The following PPP2R2B variants were observed in gnomAD, a reference collection of about 807,000 sequenced individuals.
PPP2R2B encodes the protein protein phosphatase 2 regulatory subunit Bbeta, also known as serine/threonine-protein phosphatase 2A 55 kDa regulatory subunit B beta isoform.
Under a neutral mutation model 46.0 loss-of-function variants are expected in PPP2R2B, and 5 were observed. The ratio of observed to expected loss-of-function variants is 0.11; its 90% CI spans 0.06 to 0.23. The LOEUF (loss-of-function observed/expected upper bound fraction) is 0.23, where lower values mean the gene tolerates loss of function less well. Among genes scored for constraint, PPP2R2B ranks in the 10% least tolerant of loss-of-function variants. The pLI, the probability that PPP2R2B is intolerant of heterozygous loss-of-function variation, is 1.00. For missense variants in PPP2R2B, 367 were observed against 575.0 expected (o/e 0.64, Z 3.70); for synonymous variants, 215 against 206.7 (o/e 1.04, Z -0.34).
Position 146,719,628 on chromosome 5 carries a change from C to T in PPP2R2B, c.71-18486G>A, listed in dbSNP as rs187330595. On this transcript the variant is annotated intron_variant, in intron 2 of 9. Coordinates refer to ENST00000394411, the MANE Select transcript of PPP2R2B (RefSeq NM_181675.4). ...TCCCAGTGGATCACTCATCTGGATC[C>T]CAGATAAGGCAGAGCAAGGCTCCAC... 8.7e-4 allele frequency among the ~76,000 whole-genome samples: 133 copies of T among 152,144 alleles called. 1 individual carries two copies. The highest frequency in any genetic ancestry group is 6.8e-3 in the Middle Eastern group (2 of 294).
intron 1 of PPP2R2B, chr5:147,055,548 G>T (rs1757042961): frequency 3.4e-6 from 3 of 870,816 alleles, no homozygotes; most frequent in Non-Finnish European, 5.6e-6. Flanking sequence ...ACAAGCTTTT[G>T]CCAGGAATGA....
chr5:146,805,025 G>A (rs1049234412), intron 2 of PPP2R2B, among the ~76,000 whole-genome samples: 10 of 152,112 alleles, frequency 6.6e-5, no homozygotes, highest in Admixed American at 3.3e-4. Flanking sequence ...CATAAACAAC[G>A]GCAATTCTCC....
chr5:147,043,884 A>G (rs902152387), intron 1 of PPP2R2B, among the ~76,000 whole-genome samples: 16 of 152,074 alleles, frequency 1.1e-4, no homozygotes, highest in Admixed American at 5.3e-4. Flanking sequence ...GAAGCGGGAG[A>G]ACAGAGGTGT....
At chr5:146,825,030 C>T (rs1561937211) in intron 2 of PPP2R2B, among the ~76,000 whole-genome samples, 1 of 152,124 alleles carries the variant, frequency 6.6e-6, no homozygotes, top group Non-Finnish European at 1.5e-5. Context: ...AGCCAAAAAT[C>T]AATAATTTTA....
intron 2 of PPP2R2B, among the ~76,000 whole-genome samples, chr5:146,755,210 T>C (rs1221573346): frequency 1.3e-5 from 2 of 152,138 alleles, no homozygotes; most frequent in African/African-American, 4.8e-5. Context: ...ACCTGTTGTG[T>C]CTCTATTTTT....
intron 7 of PPP2R2B, among the ~76,000 whole-genome samples, chr5:146,613,924 C>T (rs1378582621): frequency 7.8e-6 from 1 of 128,156 alleles, no homozygotes; most frequent in Non-Finnish European, 1.6e-5. Flanking sequence ...GGCCATACTG[C>T]CCAAGGTAAT....
intron 5 of PPP2R2B, among the ~76,000 whole-genome samples, chr5:146,658,905 T>C (rs895903028): frequency 2.0e-5 from 3 of 152,232 alleles, no homozygotes; most frequent in Non-Finnish European, 4.4e-5. Flanking sequence ...AATTATATGT[T>C]TATGCTGTTT....
intron 1 of PPP2R2B, chr5:147,035,331 G>T: frequency 3.2e-6 from 1 of 311,510 alleles, no homozygotes; most frequent in South Asian, 2.4e-5. Context: ...TCTATCACGA[G>T]AACAGCAAGG....
chr5:146,680,118 C>A (rs1356908076), intron 5 of PPP2R2B, among the ~76,000 whole-genome samples: 2 of 151,574 alleles, frequency 1.3e-5, no homozygotes, highest in Non-Finnish European at 2.9e-5. Context: ...TGGCATTATT[C>A]ACGATAGCAA....
At chr5:146,804,528 C>T (rs1432112162) in intron 2 of PPP2R2B, among the ~76,000 whole-genome samples, 1 of 152,256 alleles carries the variant, frequency 6.6e-6, no homozygotes, top group South Asian at 2.1e-4. Context: ...AACATAAACA[C>T]CTTGAGAGCC....
At chr5:146,817,485 T>C (rs1000472490) in intron 2 of PPP2R2B, among the ~76,000 whole-genome samples, 2 of 152,238 alleles carry the variant, frequency 1.3e-5, no homozygotes, top group African/African-American at 2.4e-5. Context: ...GTGTGCATTG[T>C]GAAATGGTAA....
intron 5 of PPP2R2B, among the ~76,000 whole-genome samples, chr5:146,688,333 T>C (rs1411355099): frequency 6.8e-6 from 1 of 146,132 alleles, no homozygotes; most frequent in African/African-American, 2.5e-5. Flanking sequence ...AAAAAAAAAA[T>C]GATAGCTCGA....
At chr5:146,935,320 G>A (rs1164343026) in intron 1 of PPP2R2B, among the ~76,000 whole-genome samples, 3 of 152,154 alleles carry the variant, frequency 2.0e-5, no homozygotes, top group Non-Finnish European at 4.4e-5. Flanking sequence ...CCAGAACACA[G>A]GCCCTCACCA....
chr5:147,003,150 A>C (rs953890771), intron 1 of PPP2R2B, among the ~76,000 whole-genome samples: 96 of 152,158 alleles, frequency 6.3e-4, no homozygotes, highest in African/African-American at 2.2e-3. Flanking sequence ...AGGAGAATAC[A>C]CAACTATGCA....
intron 1 of PPP2R2B, among the ~76,000 whole-genome samples, chr5:147,012,355 T>C (rs1192995459): frequency 3.3e-5 from 5 of 152,158 alleles, no homozygotes; most frequent in Non-Finnish European, 7.4e-5. Flanking sequence ...GATTTTCTAG[T>C]TTATTTGCAT....
intron 2 of PPP2R2B, among the ~76,000 whole-genome samples, chr5:147,076,688 T>C (rs926010351): frequency 2.6e-5 from 4 of 152,178 alleles, no homozygotes; most frequent in African/African-American, 7.2e-5. Context: ...GTCTGAGCAT[T>C]GTAGTCTTTA....
At chr5:146,662,778 G>C (rs1288201334) in intron 5 of PPP2R2B, among the ~76,000 whole-genome samples, 1 of 151,704 alleles carries the variant, frequency 6.6e-6, no homozygotes, top group African/African-American at 2.4e-5. Flanking sequence ...ACTTATGGAA[G>C]ATAAAAATGA....
At chr5:146,965,225 C>G (rs867316417) in intron 1 of PPP2R2B, among the ~76,000 whole-genome samples, 10 of 152,130 alleles carry the variant, frequency 6.6e-5, no homozygotes, top group Non-Finnish European at 1.5e-4. Flanking sequence ...AAAATTTAAG[C>G]CATATGTTTG....
At position 146,928,521 on chromosome 5, in the gene PPP2R2B, T is replaced by G. The variant is rs557364187; in HGVS notation, c.79+127144A>C. ...CATTCTCTCTCATACCATCAGGAAA[T>G]TCTGCTGGTTTTACTTTAAAAATGA... On this transcript the variant is annotated intron_variant, in intron 1 of 8. Coordinates refer to the PPP2R2B transcript ENST00000336640. Among the ~76,000 whole-genome samples, 30 of 152,242 alleles carry G rather than the reference T, an allele frequency of 2.0e-4. No homozygotes were observed. In the South Asian group the frequency reaches 5.4e-3, roughly 27 times the overall value.
Sources: gnomAD v4.1 joint callset for allele counts (sites outside exome capture counted in the v4.1 genomes callset) on GRCh38, gnomAD v4.1.1 for gene constraint, MANE v1.5 for transcripts, NCBI Gene and HGNC (gene_info 2026-07-23, HGNC 2026-07-21) for gene names.